Variants in CRISP3 observed in about 807,000 individuals in gnomAD.
The protein encoded by CRISP3 is cysteine-rich secretory protein 3.
CRISP3 carries 33 observed loss-of-function variants against 36.1 expected under a neutral mutation model. The ratio of observed to expected loss-of-function variants is 0.91; its 90% CI spans 0.69 to 1.22. The LOEUF (loss-of-function observed/expected upper bound fraction) is 1.22, where lower values mean the gene tolerates loss of function less well. Ranked by LOEUF, CRISP3 falls within the 50% of genes most tolerant of loss-of-function variation. CRISP3 has a pLI of 0.00. For synonymous variants in CRISP3, 117 were observed against 104.6 expected, an observed-to-expected ratio of 1.12 and a Z score of -0.72; for missense variants, 330 against 301.2, an observed-to-expected ratio of 1.10 and a Z score of -0.71.
chr6:49,731,837 T>A (rs917651076), intron 6 of CRISP3, among the ~76,000 whole-genome samples: 5 of 152,112 alleles, frequency 3.3e-5, no homozygotes, highest in African/African-American at 1.2e-4. Context: ...TGGAAAGGTT[T>A]GGGAATGTCT....
chr6:49,741,236 G>A (rs1022382170), intron 1 of CRISP3, among the ~76,000 whole-genome samples: 64 of 150,942 alleles, frequency 4.2e-4, no homozygotes, highest in African/African-American at 1.5e-3. Flanking sequence ...ACTCTCCAGT[G>A]CTCTTATACT....
chr6:49,736,500 G>A lies in CRISP3; in HGVS notation c.119C>T (p.Ala40Val), dbSNP rs773292990. ...SFPANEDKDP[A>V]FTALLTTQTQ... ...TTGGGTGGTTAACAAAGCAGTAAAA[G>A]CGGGATCCTAAGGGAAAATAAAATT... The change falls in exon 3 of 8, where the codon GCT becomes GTT. Residue 40 changes from alanine to valine, a missense_variant. Transcript: ENST00000263045. 1.2e-6 allele frequency: 2 copies of A among 1,608,378 alleles called. No homozygotes were observed. The highest frequency in any genetic ancestry group is 1.7e-6 in the Non-Finnish European group (2 of 1,174,988).
chr6:49,736,205 A>G (rs1430118206), intron 3 of CRISP3, among the ~76,000 whole-genome samples, 186 bp downstream of exon 3: 1 of 152,188 alleles, frequency 6.6e-6, no homozygotes, highest in East Asian at 1.9e-4. Context: ...TATGAATTTG[A>G]CGTTATGCAA....
Position 49,736,378 on chromosome 6 carries a change from T to C in CRISP3, c.228+13A>G, listed in dbSNP as rs761706157. On this transcript the variant is annotated intron_variant, in intron 3 of 7. Coordinates refer to ENST00000263045, the MANE Select transcript of CRISP3 (RefSeq NM_006061.4). ...TTGTTCACACCCCTCTCCTTTGCAA[T>C]ATCACCTCTTACCATCTTCAGCATG... The C allele has an allele frequency of 1.9e-6, 3 of 1,560,450 alleles. No homozygotes were observed. The Admixed American group carries it at 5.1e-5, about 26-fold the overall frequency.
chr6:49,741,611 G>GTTTT (rs375461364), intron 1 of CRISP3, among the ~76,000 whole-genome samples: 1 of 112,992 alleles, frequency 8.9e-6, no homozygotes, highest in Non-Finnish European at 1.8e-5. Context: ...CCTGTATGTA[G>GTTTT]TTTTTTTTTT....
At chr6:49,737,720 T>C (rs1320922088) in intron 1 of CRISP3, among the ~76,000 whole-genome samples, 1 of 152,228 alleles carries the variant, frequency 6.6e-6, no homozygotes, top group Non-Finnish European at 1.5e-5. Context: ...CTTTAGGTTG[T>C]AGGAGTGGAT....
rs144478251 is a variant in CRISP3, at chr6:49,735,512, C to T, written c.308G>A (p.Arg103Gln). The T allele has an allele frequency of 6.4e-4, 1,035 of 1,607,830 alleles. 12 individuals carry two copies. The South Asian group carries it at 9.6e-3, about 15-fold the overall frequency. Reference sequence around the variant, plus strand: ...TTTCCTAATTTACATACTTGTCATTCGATCCTTTGGGTTACTGTGTCTGTA... The same window carrying T: ...TTTCCTAATTTACATACTTGTCATTTGATCCTTTGGGTTACTGTGTCTGTA... ...CNYRHSNPKD[R>Q]MTSLKCGENL... Residue 103 changes from arginine (R) to glutamine (Q), a missense_variant, in exon 4 of 8, where the codon CGA becomes CAA. Transcript: ENST00000263045.
In CRISP3 at chr6:49,737,313, C is replaced by A; in HGVS notation, c.111+12G>T. 1 of 1,612,062 alleles carries A rather than the reference C, an allele frequency of 6.2e-7. No individual in the cohort carries two copies. Among genetic ancestry groups the A allele is most frequent in the Non-Finnish European group, 8.5e-7 (1 of 1,178,492 alleles). On this transcript the variant is annotated intron_variant, in intron 2 of 7. Coordinates refer to ENST00000263045, the MANE Select transcript of CRISP3 (RefSeq NM_006061.4). ...CCTGAATTTTTCTGAAGATTTTTGACTTCAACCATACCTTATCTTCATTTG... is the reference window on the plus strand; with the variant it reads ...CCTGAATTTTTCTGAAGATTTTTGAATTCAACCATACCTTATCTTCATTTG...
chr6:49,728,488 A>G lies in CRISP3; in HGVS notation c.*242T>C, dbSNP rs1475295658. The G allele has an allele frequency of 3.4e-6, 1 of 294,228 alleles. No homozygotes were observed. Among genetic ancestry groups the G allele is most frequent in the Admixed American group, 5.1e-5 (1 of 19,668 alleles). 18.2% of individuals were successfully genotyped at this position (294,228 alleles called of 1,614,324 possible). The stretch of plus-strand genomic sequence containing the variant: ...TAATTAAATTCAGTAAATTTAAATC[A>G]CAAAGTTTATATATAAAAATCCAAA... On this transcript the variant is annotated 3_prime_UTR_variant, in exon 8 of 8. Transcript: ENST00000263045.
chr6:49,731,735 G>T (rs1218244151), intron 6 of CRISP3, among the ~76,000 whole-genome samples: 1 of 152,052 alleles, frequency 6.6e-6, no homozygotes, highest in Admixed American at 6.6e-5. Context: ...ATGAGGTAGG[G>T]TAAGTACAGT....
In CRISP3 at chr6:49,728,605, A is replaced by G. The variant is rs1344455948; in HGVS notation, c.*125T>C. On this transcript the variant is annotated 3_prime_UTR_variant, in exon 8 of 8. Coordinates refer to ENST00000263045, the MANE Select transcript of CRISP3 (RefSeq NM_006061.4). ...CAGATCCAGAAGAAAAACATTTGAA[A>G]TCAAATGTGTATCAAACATGCCTAC... 1.3e-6 allele frequency: 1 copy of G among 742,918 alleles called. No homozygotes were observed. Among genetic ancestry groups the G allele is most frequent in the African/African-American group, 1.8e-5 (1 of 55,384 alleles). The allele number at this position is 742,918 out of a possible 1,614,324, so 46.0% of individuals were successfully genotyped here. A position where few individuals can be genotyped will look rare whatever the true frequency, so the allele number is the denominator to read the frequency against.
At chr6:49,741,243 T>C (rs1393586032) in intron 1 of CRISP3, among the ~76,000 whole-genome samples, 20 of 151,970 alleles carry the variant, frequency 1.3e-4, no homozygotes, top group South Asian at 2.1e-4. Context: ...AGTGCTCTTA[T>C]ACTCACGCCT....
At position 49,744,382 on chromosome 6, in the gene CRISP3, A is replaced by G; in HGVS notation, c.-15T>C. 1 of 1,532,564 alleles carries G rather than the reference A, an allele frequency of 6.5e-7. No individual in the cohort carries two copies. Among genetic ancestry groups the G allele is most frequent in the Non-Finnish European group, 8.7e-7 (1 of 1,144,604 alleles). The allele number at this position is 1,532,564 out of a possible 1,614,324, so 94.9% of individuals were successfully genotyped here. A position where few individuals can be genotyped will look rare whatever the true frequency, so the allele number is the denominator to read the frequency against. On this transcript the variant is annotated 5_prime_UTR_variant, in exon 1 of 8. Transcript: ENST00000263045. ...ATTTGTTTCATCTATTGACAGAAGG[A>G]AGGTGCAGAGAGAGAAGGTTAGAGC...
At chr6:49,739,544 C>T (rs1159403344) in intron 1 of CRISP3, among the ~76,000 whole-genome samples, 2 of 152,086 alleles carry the variant, frequency 1.3e-5, no homozygotes, top group East Asian at 3.9e-4. Context: ...GAATCTAGCA[C>T]AATTCAGGGC....
At chr6:49,730,237 T>C (rs1186931918) in intron 7 of CRISP3, among the ~76,000 whole-genome samples, 2 of 152,096 alleles carry the variant, frequency 1.3e-5, no homozygotes, top group Admixed American at 1.3e-4. Context: ...AAAATGAAAT[T>C]GTATGAGATA....
At position 49,736,481 on chromosome 6, in the gene CRISP3, G is replaced by A. The variant is rs776440037; in HGVS notation, c.138C>T (p.Thr46=). Residue 46 remains threonine (T), a synonymous_variant, in exon 3 of 8, where the codon ACC becomes ACT. Transcript: ENST00000263045. ...DKDPAFTALL[T]TQTQVQREIV... ...TCTCCCTTTGCACTTGTGTTTGGGT[G>A]GTTAACAAAGCAGTAAAAGCGGGAT... The A allele has an allele frequency of 3.1e-6, 5 of 1,613,050 alleles. No homozygotes were observed. The African/African-American group carries it at 6.7e-5, about 22-fold the overall frequency.
In CRISP3 at chr6:49,728,223, A is replaced by C. The variant is rs1224804825; in HGVS notation, c.*507T>G. ...GCTTCAACTCAATTGTGAGGATGCC[A>C]GCCAGATGATTGGGAAGAAGGGTGA... On this transcript the variant is annotated 3_prime_UTR_variant, in exon 8 of 8. Coordinates refer to ENST00000263045, the MANE Select transcript of CRISP3 (RefSeq NM_006061.4). 1 of 152,236 alleles carries C rather than the reference A, an allele frequency of 6.6e-6. No individual in the cohort carries two copies. The highest frequency in any genetic ancestry group is 2.4e-5 in the African/African-American group (1 of 41,462). 9.4% of individuals were successfully genotyped at this position (152,236 alleles called of 1,614,324 possible).
Position 49,728,555 on chromosome 6 carries a change from A to T in CRISP3, c.*175T>A, listed in dbSNP as rs746704096. 1.3e-5 allele frequency: 6 copies of T among 468,818 alleles called. No homozygotes were observed. Among genetic ancestry groups the T allele is most frequent in the Non-Finnish European group, 2.1e-5 (6 of 290,162 alleles). 29.0% of individuals were successfully genotyped at this position (468,818 alleles called of 1,614,324 possible). Reference sequence around the variant, plus strand: ...TTGTTTCTTTTTAACCATTTGTATGAAAAATATTTTTGTAAAATAAAAAGC... The same window carrying T: ...TTGTTTCTTTTTAACCATTTGTATGTAAAATATTTTTGTAAAATAAAAAGC... On this transcript the variant is annotated 3_prime_UTR_variant, in exon 8 of 8. Coordinates refer to ENST00000263045, the MANE Select transcript of CRISP3 (RefSeq NM_006061.4).
intron 5 of CRISP3, 53 bp downstream of exon 5, chr6:49,733,650 C>CA (rs1561907632): frequency 2.0e-6 from 3 of 1,476,364 alleles, no homozygotes; most frequent in Non-Finnish European, 2.7e-6. Flanking sequence ...TTGAAGAATC[C>CA]TTTTTTTTTA....
Sources: allele counts gnomAD v4.1 joint callset (sites outside exome capture counted in the v4.1 genomes callset), GRCh38; gene constraint gnomAD v4.1.1; transcripts MANE v1.5; gene names NCBI Gene and HGNC (gene_info 2026-07-23, HGNC 2026-07-21).